The following GATAD2A variants were observed in gnomAD, a reference collection of about 807,000 sequenced individuals.
The protein encoded by GATAD2A is GATA zinc finger domain containing 2A.
A neutral mutation model predicts 68.5 loss-of-function variants in GATAD2A; 12 were observed. That is an observed-to-expected ratio of 0.18 (90% CI 0.11 to 0.28). The LOEUF (loss-of-function observed/expected upper bound fraction) is 0.28. Ranked by LOEUF, GATAD2A falls within the 10% of genes least tolerant of loss-of-function variation. The pLI, the probability that GATAD2A is intolerant of heterozygous loss-of-function variation, is 1.00. For synonymous variants in GATAD2A, 410 were observed against 375.3 expected, an observed-to-expected ratio of 1.09 and a Z score of -1.07; for missense variants, 755 against 868.5, an observed-to-expected ratio of 0.87 and a Z score of 1.64.
chr19:19,414,836 CCTTTTTTTTTTTTT>C (rs2051402668), intron 1 of GATAD2A, among the ~76,000 whole-genome samples: 1 of 127,400 alleles, frequency 7.8e-6, no homozygotes, highest in African/African-American at 3.8e-5. Flanking sequence ...CACCCTGCCC[CCTTTTTTTTTTTTT>C]TTTTTTTTTT....
At chr19:19,490,617 T>C (rs2059726781) in intron 2 of GATAD2A, among the ~76,000 whole-genome samples, 1 of 152,068 alleles carries the variant, frequency 6.6e-6, no homozygotes, top group African/African-American at 2.4e-5. Flanking sequence ...AAAATGGACT[T>C]GATTCACTTC....
At chr19:19,495,692 G>A in intron 5 of GATAD2A, 62 bp from the exon 6 acceptor site, 3 of 1,428,532 alleles carry the variant, frequency 2.1e-6, no homozygotes, top group African/African-American at 1.5e-5. Context: ...AAAACTGCTT[G>A]CTTTAAAAAA....
Position 19,494,274 on chromosome 19 carries a change from G to A in GATAD2A, c.535-20G>A, listed in dbSNP as rs367773550. 3.3e-6 allele frequency: 5 copies of A among 1,521,086 alleles called. No homozygotes were observed. The highest frequency in any genetic ancestry group is 3.6e-6 in the Non-Finnish European group (4 of 1,098,316). 94.2% of individuals were successfully genotyped at this position (1,521,086 alleles called of 1,614,324 possible). A position where few individuals can be genotyped will look rare whatever the true frequency, so the allele number is the denominator to read the frequency against. On this transcript the variant is annotated intron_variant, in intron 4 of 11. Coordinates refer to ENST00000683918, the MANE Select transcript of GATAD2A (RefSeq NM_001384528.1). The stretch of plus-strand genomic sequence containing the variant: ...CCGGCCCGGTGGCCCCTCACCTCCT[G>A]GTGTCCTGCTCTCTTGCAGCCCACA...
rs570351539 is a variant in GATAD2A at position 19,480,658 on chromosome 19, C to G, written c.270-11648C>G. Among the ~76,000 whole-genome samples the G allele has an allele frequency of 6.7e-4, 102 of 152,310 alleles. 2 individuals carry two copies. In the South Asian group the frequency reaches 0.02, roughly 30 times the overall value. Reference sequence around the variant, plus strand: ...ACTGCCCCCCGAGGTGAGTGGCGTCCCCTTCTGCAGATGAAGAAACTTGGC... The same window carrying G: ...ACTGCCCCCCGAGGTGAGTGGCGTCGCCTTCTGCAGATGAAGAAACTTGGC... On this transcript the variant is annotated intron_variant, in intron 2 of 11. Coordinates refer to ENST00000683918, the MANE Select transcript of GATAD2A (RefSeq NM_001384528.1).
chr19:19,501,924 G>A (rs1392277319), intron 9 of GATAD2A, 45 bp from the exon 10 acceptor site: 1 of 1,504,592 alleles, frequency 6.6e-7, no homozygotes, highest in Admixed American at 1.7e-5. Flanking sequence ...CCCTGGGCCG[G>A]CCAGCGGACC....
chr19:19,430,486 ATGT>A (rs2053601640), intron 1 of GATAD2A, among the ~76,000 whole-genome samples: 1 of 152,174 alleles, frequency 6.6e-6, no homozygotes, highest in Non-Finnish European at 1.5e-5. Flanking sequence ...TTCACCTTGG[ATGT>A]TGTTGGCCAT....
rs2060494400 is a variant in GATAD2A at position 19,501,098 on chromosome 19, C to T, written c.1205-20C>T. On this transcript the variant is annotated intron_variant, in intron 8 of 11. Coordinates refer to ENST00000683918, the MANE Select transcript of GATAD2A (RefSeq NM_001384528.1). ...GTCGTCCTGGCCCTCTGACGTGAGC[C>T]ATGTGCTGTCTGCTTGCAGCAGGCA... 1.9e-6 allele frequency: 3 copies of T among 1,602,692 alleles called. No individual in the cohort carries two copies. The highest frequency in any genetic ancestry group is 2.6e-6 in the Non-Finnish European group (3 of 1,172,472).
chr19:19,440,207 C>T (rs545017557), intron 1 of GATAD2A: 4 of 355,924 alleles, frequency 1.1e-5, no homozygotes, highest in African/African-American at 4.5e-5. Flanking sequence ...TGTGCTGTCA[C>T]TTATCTAAGG....
intron 1 of GATAD2A, among the ~76,000 whole-genome samples, chr19:19,460,258 G>T (rs917849908): frequency 6.6e-6 from 1 of 152,214 alleles, no homozygotes; most frequent in Non-Finnish European, 1.5e-5. Context: ...AGTAGACAGG[G>T]GTTCTGGGTC....
intron 1 of GATAD2A, among the ~76,000 whole-genome samples, chr19:19,446,110 C>T (rs142478671): frequency 7.2e-5 from 11 of 152,304 alleles, no homozygotes; most frequent in African/African-American, 2.6e-4. Context: ...TACTTTCCAC[C>T]GTTTTCCATG....
chr19:19,393,768 T>C (rs2049019023), intron 1 of GATAD2A, among the ~76,000 whole-genome samples: 1 of 152,166 alleles, frequency 6.6e-6, no homozygotes, highest in Non-Finnish European at 1.5e-5. Flanking sequence ...AGACAGAAAT[T>C]ATGGCATTTT....
At chr19:19,484,054 A>C (rs953722606) in intron 2 of GATAD2A, among the ~76,000 whole-genome samples, 1 of 152,044 alleles carries the variant, frequency 6.6e-6, no homozygotes, top group Non-Finnish European at 1.5e-5. Context: ...CCCAGTGAGC[A>C]GCCCCCACGT....
At chr19:19,414,053 C>T (rs563153218) in intron 1 of GATAD2A, among the ~76,000 whole-genome samples, 2 of 151,864 alleles carry the variant, frequency 1.3e-5, no homozygotes, top group South Asian at 2.1e-4. Flanking sequence ...TTCCTGATGC[C>T]GAAGTCTGGG....
At chr19:19,442,421 T>C (rs925539824) in intron 1 of GATAD2A, among the ~76,000 whole-genome samples, 1 of 150,662 alleles carries the variant, frequency 6.6e-6, no homozygotes, top group African/African-American at 2.4e-5. Flanking sequence ...AGGTCAGGAG[T>C]TCAAGACCAG....
chr19:19,403,417 T>G (rs1044970364), upstream of GATAD2A, among the ~76,000 whole-genome samples: 5 of 152,250 alleles, frequency 3.3e-5, no homozygotes, highest in African/African-American at 1.2e-4. Context: ...TCACCCCACC[T>G]ACATACCCTG....
chr19:19,489,689 C>G (rs1236505815), intron 2 of GATAD2A, among the ~76,000 whole-genome samples: 1 of 152,236 alleles, frequency 6.6e-6, no homozygotes, highest in Non-Finnish European at 1.5e-5. Flanking sequence ...TATTAGACAT[C>G]TCACCTCTGG....
chr19:19,416,855 G>A (rs187099008), intron 1 of GATAD2A, among the ~76,000 whole-genome samples: 83 of 151,936 alleles, frequency 5.5e-4, no homozygotes, highest in African/African-American at 1.7e-3. Flanking sequence ...CTTGTCTCCA[G>A]GGTCCAAGCG....
intron 1 of GATAD2A, among the ~76,000 whole-genome samples, chr19:19,428,913 T>C (rs1362888228): frequency 6.6e-6 from 1 of 152,112 alleles, no homozygotes; most frequent in African/African-American, 2.4e-5. Context: ...AGCTCTGGAC[T>C]CACCCCAGGG....
Position 19,505,291 on chromosome 19 carries a change from C to T in GATAD2A, c.1775-53C>T, listed in dbSNP as rs1600321958. 5 of 1,579,228 alleles carry T rather than the reference C, an allele frequency of 3.2e-6. No homozygotes were observed. In the South Asian group the frequency reaches 3.4e-5, roughly 11 times the overall value. On this transcript the variant is annotated intron_variant, in intron 11 of 11. Transcript: ENST00000683918. The stretch of plus-strand genomic sequence containing the variant: ...TAGGCAGCTATGGCTGGGCTCCTCC[C>T]AGGAGCCCTCCTGACGAGGGCCTTC...
Sources: gnomAD v4.1 joint callset for allele counts (sites outside exome capture counted in the v4.1 genomes callset) on GRCh38, gnomAD v4.1.1 for gene constraint, MANE v1.5 for transcripts, NCBI Gene and HGNC (gene_info 2026-07-23, HGNC 2026-07-21) for gene names.